The following PJA2 variants were observed in gnomAD, a reference collection of about 807,000 sequenced individuals.
PJA2 encodes E3 ubiquitin-protein ligase Praja-2.
Under a neutral mutation model 69.3 loss-of-function variants are expected in PJA2, and 25 were observed. The observed-to-expected ratio is 0.36, with a 90% confidence interval of 0.26 to 0.50. The LOEUF is 0.50. Ranked by LOEUF, PJA2 falls within the 20% of genes least tolerant of loss-of-function variation. PJA2 has a pLI of 0.96. For synonymous variants in PJA2, 308 were observed against 277.8 expected, an observed-to-expected ratio of 1.11 and a Z score of -1.08; for missense variants, 809 against 830.2, an observed-to-expected ratio of 0.97 and a Z score of 0.31.
At chr5:109,356,787 G>A (rs1762419618) in intron 6 of PJA2, among the ~76,000 whole-genome samples, 1 of 150,982 alleles carries the variant, frequency 6.6e-6, no homozygotes, top group Non-Finnish European at 1.5e-5. Flanking sequence ...TCTAAGATTA[G>A]GCCACCTCCA....
At chr5:109,354,020 C>A (rs1762341105) in intron 7 of PJA2, among the ~76,000 whole-genome samples, 1 of 130,962 alleles carries the variant, frequency 7.6e-6, no homozygotes, top group Non-Finnish European at 1.7e-5. Flanking sequence ...GATTAGATAT[C>A]TATGATATCT....
intron 1 of PJA2, among the ~76,000 whole-genome samples, chr5:109,388,193 C>A (rs1392361947): frequency 6.6e-6 from 1 of 151,940 alleles, no homozygotes; most frequent in African/African-American, 2.4e-5. Flanking sequence ...ATCATGATAT[C>A]ACTCAAGTAG....
At position 109,337,374 on chromosome 5, in the gene PJA2, G is replaced by A. The variant is rs565737553; in HGVS notation, c.2002-18C>T. The A allele has an allele frequency of 4.8e-5, 76 of 1,571,984 alleles. 1 individual carries two copies. The South Asian group carries it at 8.0e-4, about 17-fold the overall frequency. On this transcript the variant is annotated intron_variant, in intron 9 of 9. Coordinates refer to ENST00000361189, the MANE Select transcript of PJA2 (RefSeq NM_014819.5). ...GTTCCCGACTGGAGAAAAAAAAAAT[G>A]TTAAGAGCCACCAGAATCATCTTAA...
chr5:109,402,600 A>C (rs1156990121), intron 1 of PJA2, among the ~76,000 whole-genome samples: 1 of 152,188 alleles, frequency 6.6e-6, no homozygotes, highest in African/African-American at 2.4e-5. Context: ...CTCTTCTCTC[A>C]ATGATCAATG....
intron 1 of PJA2, among the ~76,000 whole-genome samples, chr5:109,400,162 C>T (rs767063120): frequency 2.6e-5 from 4 of 151,670 alleles, no homozygotes; most frequent in African/African-American, 7.3e-5. Context: ...TGGTGGTGCA[C>T]GCCCATAATT....
At chr5:109,408,687 T>C (rs1747751038) in intron 1 of PJA2, among the ~76,000 whole-genome samples, 1 of 152,272 alleles carries the variant, frequency 6.6e-6, no homozygotes, top group South Asian at 2.1e-4. Flanking sequence ...CCGTTATTTA[T>C]ATTGTTGAAG....
chr5:109,382,669 G>T (rs149430965), intron 2 of PJA2, among the ~76,000 whole-genome samples: 129 of 152,166 alleles, frequency 8.5e-4, no homozygotes, highest in African/African-American at 3.0e-3. Context: ...CCAACATGGC[G>T]AAACCCCGTC....
intron 7 of PJA2, among the ~76,000 whole-genome samples, chr5:109,345,146 C>T (rs548373322): frequency 3.0e-5 from 4 of 133,856 alleles, no homozygotes; most frequent in Non-Finnish European, 1.6e-5. Context: ...GAGTTCAAGA[C>T]AGCCTGACCA....
At chr5:109,339,886 C>T (rs549545929) in intron 9 of PJA2, among the ~76,000 whole-genome samples, 13 of 152,270 alleles carry the variant, frequency 8.5e-5, no homozygotes, top group Admixed American at 5.9e-4. Flanking sequence ...GCCAGATAAA[C>T]AGATTAAGAA....
chr5:109,372,691 A>G (rs937978562), intron 4 of PJA2, among the ~76,000 whole-genome samples: 2 of 151,962 alleles, frequency 1.3e-5, no homozygotes, highest in African/African-American at 4.8e-5. Flanking sequence ...GAATCACCTG[A>G]GGTCGGGAGC....
intron 9 of PJA2, among the ~76,000 whole-genome samples, chr5:109,340,085 G>A (rs1762015219): frequency 1.3e-5 from 2 of 152,128 alleles, no homozygotes; most frequent in South Asian, 2.1e-4. Context: ...ACATTAGCAC[G>A]TGCTGTTTAC....
chr5:109,378,706 G>C lies in PJA2; in HGVS notation c.781C>G (p.Gln261Glu), dbSNP rs751915084. Residue 261 changes from glutamine (Q) to glutamate (E), a missense_variant, in exon 4 of 10, where the codon CAA becomes GAA. Transcript: ENST00000361189. ...QNSQEIQRSSQDEMVSTKQQN... is the reference protein window; with the variant it reads ...QNSQEIQRSSEDEMVSTKQQN... ...TGTTTCGTACTAACCATTTCATCTT[G>C]AGAAGACCTCTGAATTTCCTGGCTA... 3.1e-6 allele frequency: 5 copies of C among 1,613,304 alleles called. No individual in the cohort carries two copies. The East Asian group carries it at 1.1e-4, about 36-fold the overall frequency.
chr5:109,400,288 CAAA>C (rs552298335), intron 1 of PJA2, among the ~76,000 whole-genome samples: 1 of 111,204 alleles, frequency 9.0e-6, no homozygotes, highest in Admixed American at 9.5e-5. Context: ...GAGACTGTCT[CAAA>C]AAAAAAAAAA....
chr5:109,405,087 G>T (rs1341233067), intron 1 of PJA2, among the ~76,000 whole-genome samples: 1 of 152,180 alleles, frequency 6.6e-6, no homozygotes, highest in East Asian at 1.9e-4. Context: ...AATGAATTTA[G>T]CAAGGTTGCA....
At chr5:109,340,012 G>C (rs908758169) in intron 9 of PJA2, among the ~76,000 whole-genome samples, 3 of 152,124 alleles carry the variant, frequency 2.0e-5, no homozygotes, top group African/African-American at 4.8e-5. Flanking sequence ...CAGAATACCA[G>C]GAAGTCTCAT....
At chr5:109,348,916 T>C (rs888966617) in intron 7 of PJA2, among the ~76,000 whole-genome samples, 2 of 152,210 alleles carry the variant, frequency 1.3e-5, no homozygotes, top group Non-Finnish European at 2.9e-5. Flanking sequence ...CAGTTTACTT[T>C]TCCTCTTTCC....
chr5:109,361,915 G>T (rs1449592013), intron 6 of PJA2, among the ~76,000 whole-genome samples: 3 of 152,200 alleles, frequency 2.0e-5, no homozygotes, highest in Non-Finnish European at 4.4e-5. Context: ...GAAGTACAGA[G>T]AAGTAGCTAG....
intron 9 of PJA2, 97 bp from the exon 10 acceptor site, chr5:109,337,453 A>G (rs2126981994): frequency 7.3e-7 from 1 of 1,369,144 alleles, no homozygotes; most frequent in East Asian, 2.7e-5. Flanking sequence ...CCTAATAATA[A>G]GACTCTTAAC....
At chr5:109,396,789 G>A (rs972852036) in intron 1 of PJA2, among the ~76,000 whole-genome samples, 3 of 140,930 alleles carry the variant, frequency 2.1e-5, no homozygotes, top group South Asian at 2.4e-4. Flanking sequence ...CAGGGGTGGG[G>A]GTGGGGGTGG....
Sources: gnomAD v4.1 joint callset for allele counts (sites outside exome capture counted in the v4.1 genomes callset) on GRCh38, gnomAD v4.1.1 for gene constraint, MANE v1.5 for transcripts, NCBI Gene and HGNC (gene_info 2026-07-23, HGNC 2026-07-21) for gene names.